SEC24A: variants seen among roughly 807,000 people sequenced by gnomAD.
SEC24A encodes the protein protein transport protein Sec24A.
Under a neutral mutation model 129.4 loss-of-function variants are expected in SEC24A, and 93 were observed. The observed-to-expected ratio is 0.72, with a 90% confidence interval of 0.61 to 0.85. The LOEUF (loss-of-function observed/expected upper bound fraction) is 0.85, where lower values mean the gene tolerates loss of function less well. Among genes scored for constraint, SEC24A ranks in the 40% least tolerant of loss-of-function variants. The pLI, the probability that SEC24A is intolerant of heterozygous loss-of-function variation, is 0.00. For missense variants in SEC24A, 1,264 were observed against 1,307.4 expected (o/e 0.97, Z 0.51); for synonymous variants, 460 against 467.3 (o/e 0.98, Z 0.20).
chr5:134,714,839 T>C (rs1425438929), intron 18 of SEC24A, among the ~76,000 whole-genome samples, 185 bp from the exon 19 acceptor site: 1 of 152,220 alleles, frequency 6.6e-6, no homozygotes, highest in African/African-American at 2.4e-5. Context: ...AAAAGACTTT[T>C]AGGTGGGGCT....
rs770287829 is a variant in SEC24A, at chr5:134,682,488, CTT to C, written c.1491+9_1491+10del. 1.5e-5 allele frequency: 22 copies of C among 1,485,032 alleles called. No homozygotes were observed. In the African/African-American group the frequency reaches 2.4e-4, roughly 16 times the overall value. 92.0% of individuals were successfully genotyped at this position (1,485,032 alleles called of 1,614,324 possible). On this transcript the variant is annotated splice_region_variant and intron_variant, in intron 9 of 22. Coordinates refer to ENST00000398844, the MANE Select transcript of SEC24A (RefSeq NM_021982.3). Reference sequence around the variant, plus strand: ...TGGCTCCTTCAGAATACATGGTAAACTTTTATTTTTTGATACAGTATACCCAT... The same window carrying C: ...TGGCTCCTTCAGAATACATGGTAAACTTATTTTTTGATACAGTATACCCAT...
intron 18 of SEC24A, among the ~76,000 whole-genome samples, chr5:134,713,605 T>G (rs1752392775): frequency 6.6e-6 from 1 of 152,186 alleles, no homozygotes; most frequent in Admixed American, 6.6e-5. Flanking sequence ...ACTTTCCTTC[T>G]TCCATTAAAA....
chr5:134,666,959 A>G lies in SEC24A; in HGVS notation c.702A>G (p.Val234=), dbSNP rs1251879690. The change falls in exon 3 of 23, where the codon GTA becomes GTG. Residue 234 remains valine, a synonymous_variant. Transcript: ENST00000398844. ...LTPLTSSYRD[V]PQPLFNSAVN... ...CCCTGACATCATCATATAGAGATGT[A>G]CCCCAGCCCTTATTTAATTCAGCTG... The G allele has an allele frequency of 6.3e-7, 1 of 1,587,758 alleles. No homozygotes were observed. The highest frequency in any genetic ancestry group is 8.5e-7 in the Non-Finnish European group (1 of 1,172,360).
chr5:134,698,627 CTTGTTTT>C (rs1751904407), intron 15 of SEC24A, among the ~76,000 whole-genome samples: 1 of 135,776 alleles, frequency 7.4e-6, no homozygotes, highest in South Asian at 2.4e-4. Context: ...AAGATAGAGT[CTTGTTTT>C]TTTTTTTTTT....
chr5:134,690,165 C>T (rs1004572719), intron 11 of SEC24A, among the ~76,000 whole-genome samples: 2 of 152,118 alleles, frequency 1.3e-5, no homozygotes, highest in African/African-American at 2.4e-5. Context: ...ATTATAGGTG[C>T]GTGCCACCAC....
intron 7 of SEC24A, among the ~76,000 whole-genome samples, chr5:134,676,461 T>TC (rs1751067631): frequency 6.8e-6 from 1 of 146,448 alleles, no homozygotes; most frequent in Admixed American, 6.8e-5. Context: ...TTTTTTTTTT[T>TC]CTGAGACTGG....
chr5:134,649,210 G>A (rs1444138632), intron 1 of SEC24A, 37 bp downstream of exon 1: 1 of 1,469,528 alleles, frequency 6.8e-7, no homozygotes, highest in South Asian at 1.2e-5. Context: ...AGCCTGGCCA[G>A]GGCTGACTGA....
intron 15 of SEC24A, among the ~76,000 whole-genome samples, chr5:134,702,601 C>T (rs1390272481): frequency 6.6e-6 from 1 of 151,954 alleles, no homozygotes; most frequent in African/African-American, 2.4e-5. Context: ...ATCTTATGGT[C>T]GATTTACATA....
At chr5:134,715,440 C>A (rs762326622) in intron 19 of SEC24A, 2 of 276,642 alleles carry the variant, frequency 7.2e-6, no homozygotes, top group Non-Finnish European at 1.3e-5. Flanking sequence ...TCAAACAAAT[C>A]GATCTTTTAA....
chr5:134,704,869 G>T (rs574062700), intron 16 of SEC24A, among the ~76,000 whole-genome samples: 1 of 150,454 alleles, frequency 6.6e-6, no homozygotes, highest in African/African-American at 2.4e-5. Context: ...TAGAGATAGG[G>T]TCTTACTATG....
chr5:134,671,210 C>T (rs540396512), intron 3 of SEC24A, among the ~76,000 whole-genome samples: 12 of 152,092 alleles, frequency 7.9e-5, no homozygotes, highest in African/African-American at 2.9e-4. Flanking sequence ...AGGCACGCGC[C>T]ACCACACCCA....
chr5:134,702,083 T>C (rs76378310), intron 15 of SEC24A, among the ~76,000 whole-genome samples: 3,735 of 152,350 alleles, frequency 0.025, 64 homozygotes, highest in African/African-American at 0.056. Flanking sequence ...TGAGGAATTA[T>C]ACCTGGCTTT....
At chr5:134,680,946 A>C (rs1409327673) in intron 8 of SEC24A, among the ~76,000 whole-genome samples, 1 of 152,034 alleles carries the variant, frequency 6.6e-6, no homozygotes, top group East Asian at 1.9e-4. Context: ...TAAAAATACA[A>C]TAATTAGCCG....
chr5:134,651,229 C>G (rs573058057), intron 1 of SEC24A, among the ~76,000 whole-genome samples: 1 of 149,212 alleles, frequency 6.7e-6, no homozygotes, highest in Admixed American at 6.7e-5. Flanking sequence ...GTAGCTAGAA[C>G]TACAGGTGCA....
intron 15 of SEC24A, among the ~76,000 whole-genome samples, chr5:134,699,301 C>CGTTTTTTTTTTTTTTTT (rs1429369613): frequency 2.9e-5 from 4 of 138,372 alleles, no homozygotes; most frequent in African/African-American, 1.1e-4. Flanking sequence ...CCATTTTATC[C>CGTTTTTTTTTTTTTTTT]TTTTTTTTTT....
intron 15 of SEC24A, among the ~76,000 whole-genome samples, chr5:134,698,841 C>A (rs1007859755): frequency 2.0e-5 from 3 of 151,930 alleles, no homozygotes; most frequent in Non-Finnish European, 4.4e-5. Context: ...CCATGTTGGC[C>A]AGGCTGGTCT....
chr5:134,689,696 G>A (rs1204839238), intron 11 of SEC24A, among the ~76,000 whole-genome samples: 5 of 151,806 alleles, frequency 3.3e-5, no homozygotes, highest in Admixed American at 6.6e-5. Context: ...GGGAGGAGGC[G>A]GAGCTTGCAG....
Position 134,667,219 on chromosome 5 carries a change from C to CT in SEC24A, c.739+230dup, listed in dbSNP as rs1260161949. ...GAAAAAAGCTCTTAGTGTTTTGTTA[C>CT]TTTTTTTGTTGCTATGCGGATTTTT... On this transcript the variant is annotated intron_variant, in intron 3 of 22. Coordinates refer to ENST00000398844, the MANE Select transcript of SEC24A (RefSeq NM_021982.3). Among the ~76,000 whole-genome samples the CT allele has an allele frequency of 2.0e-5, 3 of 152,038 alleles. No individual in the cohort carries two copies. The South Asian group carries it at 6.2e-4, about 31-fold the overall frequency.
chr5:134,723,624 T>G lies in SEC24A; in HGVS notation c.3121T>G (p.Trp1041Gly). Residue 1041 changes from tryptophan (W) to glycine (G), a missense_variant, in exon 22 of 23, where the codon TGG becomes GGG. Transcript: ENST00000398844. Reference protein sequence around the residue: ...ESARIIAFISWLREQRPFFPI... With the variant: ...ESARIIAFISGLREQRPFFPI... Reference sequence around the variant, plus strand: ...TGCCAGAATAATAGCTTTCATCTCTTGGCTTAGAGAGCAGAGACCATTTTT... The same window carrying G: ...TGCCAGAATAATAGCTTTCATCTCTGGGCTTAGAGAGCAGAGACCATTTTT... The G allele has an allele frequency of 6.2e-7, 1 of 1,613,382 alleles. No homozygotes were observed. Among genetic ancestry groups the G allele is most frequent in the Non-Finnish European group, 8.5e-7 (1 of 1,179,370 alleles).
Sources: allele counts gnomAD v4.1 joint callset (sites outside exome capture counted in the v4.1 genomes callset), GRCh38; gene constraint gnomAD v4.1.1; transcripts MANE v1.5; gene names NCBI Gene and HGNC (gene_info 2026-07-23, HGNC 2026-07-21).